The following ANKHD1 variants were observed in gnomAD, a reference collection of about 807,000 sequenced individuals.
ANKHD1 encodes the protein ankyrin repeat and KH domain containing 1.
Under a neutral mutation model 230.5 loss-of-function variants are expected in ANKHD1, and 31 were observed. That is an observed-to-expected ratio of 0.13 (90% CI 0.10 to 0.18). The LOEUF is 0.18. Ranked by LOEUF, ANKHD1 falls within the 10% of genes least tolerant of loss-of-function variation. ANKHD1 has a pLI of 1.00. For missense variants in ANKHD1, 2,256 were observed against 3,071.3 expected, an observed-to-expected ratio of 0.73 and a Z score of 6.27; for synonymous variants, 1,074 against 1,117.6, an observed-to-expected ratio of 0.96 and a Z score of 0.78.
At chr5:140,516,172 G>A (rs541463586) in intron 24 of ANKHD1, among the ~76,000 whole-genome samples, 2 of 152,282 alleles carry the variant, frequency 1.3e-5, no homozygotes, top group African/African-American at 2.4e-5. Context: ...GAGCCCATGC[G>A]ATCAACTGGA....
intron 15 of ANKHD1, among the ~76,000 whole-genome samples, chr5:140,499,463 G>A (rs1752179580): frequency 6.6e-6 from 1 of 152,008 alleles, no homozygotes; most frequent in Non-Finnish European, 1.5e-5. Context: ...TACTTTAGAA[G>A]TAAATTTTAC....
At chr5:140,455,323 C>T (rs1206008737) in intron 7 of ANKHD1, among the ~76,000 whole-genome samples, 2 of 152,116 alleles carry the variant, frequency 1.3e-5, no homozygotes, top group African/African-American at 4.8e-5. Flanking sequence ...GAAACTATTC[C>T]AATCAATAGA....
intron 6 of ANKHD1, among the ~76,000 whole-genome samples, chr5:140,447,453 C>G (rs529974216): frequency 7.4e-4 from 113 of 152,224 alleles, no homozygotes; most frequent in Middle Eastern, 3.4e-3. Flanking sequence ...AGTGATCTTC[C>G]TACTTCAGAC....
rs763860080 is a variant in ANKHD1 at position 140,529,023 on chromosome 5, C to T, written c.6077C>T (p.Pro2026Leu). ...ATGGAGTCTTTCTCTGCTGTGCCAC[C>T]CACCAAAGAGAAAGTGTCCACACAG... Reference protein sequence around the residue: ...QKMESFSAVPPTKEKVSTQDQ... With the variant: ...QKMESFSAVPLTKEKVSTQDQ... The change falls in exon 29 of 34, where the codon CCC becomes CTC. Residue 2026 changes from proline to leucine, a missense_variant. Coordinates refer to ENST00000360839, the MANE Select transcript of ANKHD1 (RefSeq NM_017747.3). 55 of 1,613,958 alleles carry T rather than the reference C, an allele frequency of 3.4e-5. No homozygotes were observed. The highest frequency in any genetic ancestry group is 4.6e-5 in the Non-Finnish European group (54 of 1,180,050).
At chr5:140,481,216 A>T (rs1476217376) in intron 10 of ANKHD1, among the ~76,000 whole-genome samples, 2 of 152,110 alleles carry the variant, frequency 1.3e-5, no homozygotes, top group Non-Finnish European at 2.9e-5. Flanking sequence ...AACTGGACAA[A>T]CAACTTTCTA....
Position 140,528,818 on chromosome 5 carries a change from G to T in ANKHD1, c.5872G>T (p.Val1958Phe). Residue 1958 changes from valine to phenylalanine, a missense_variant, in exon 29 of 34, where the codon GTC (valine) becomes TTC (phenylalanine). Around this residue, in one of 13 missense-constraint regions of ANKHD1, gnomAD observed 778 missense variants for 966.5 expected, o/e 0.80. Coordinates refer to ENST00000360839, the MANE Select transcript of ANKHD1 (RefSeq NM_017747.3). ...CVTNTRTPSSVRKQLFACVPK... is the reference protein window; with the variant it reads ...CVTNTRTPSSFRKQLFACVPK... ...CACTAATACCCGGACTCCTTCATCA[G>T]TCAGAAAGCAGTTGTTTGCCTGTGT... 1 of 1,614,046 alleles carries T rather than the reference G, an allele frequency of 6.2e-7. No homozygotes were observed. The highest frequency in any genetic ancestry group is 8.5e-7 in the Non-Finnish European group (1 of 1,180,034).
intron 14 of ANKHD1, among the ~76,000 whole-genome samples, chr5:140,492,599 A>G (rs1307432898): frequency 1.3e-5 from 2 of 152,192 alleles, no homozygotes; most frequent in Non-Finnish European, 2.9e-5. Flanking sequence ...ATTTTTAGTT[A>G]TACTTTTTCA....
intron 23 of ANKHD1, 77 bp from the exon 24 acceptor site, chr5:140,513,286 C>A: frequency 7.1e-7 from 1 of 1,407,740 alleles, no homozygotes; most frequent in Non-Finnish European, 9.6e-7. Context: ...AACCTCTGGA[C>A]TTTAATGTGC....
chr5:140,463,358 G>A lies in ANKHD1; in HGVS notation c.1673-1309G>A, dbSNP rs189685455. Reference sequence around the variant, plus strand: ...TGATAGTTTCCTTGCTTTCTCATATGGCAAAGTGTTCCAGGCTCATCTTGT... The same window carrying A: ...TGATAGTTTCCTTGCTTTCTCATATAGCAAAGTGTTCCAGGCTCATCTTGT... On this transcript the variant is annotated intron_variant, in intron 9 of 33. Coordinates refer to ENST00000360839, the MANE Select transcript of ANKHD1 (RefSeq NM_017747.3). Among the ~76,000 whole-genome samples, 429 of 152,180 alleles carry A rather than the reference G, an allele frequency of 2.8e-3. 1 individual carries two copies. Among genetic ancestry groups the A allele is most frequent in the South Asian group, 0.022 (104 of 4,822 alleles).
chr5:140,509,002 G>A (rs1045390218), intron 20 of ANKHD1, among the ~76,000 whole-genome samples: 13 of 151,994 alleles, frequency 8.6e-5, no homozygotes, highest in African/African-American at 7.3e-5. Flanking sequence ...TGGAAATCTC[G>A]TACTTCTTCC....
intron 30 of ANKHD1, 89 bp from the exon 31 acceptor site, chr5:140,537,299 TA>T: frequency 6.7e-7 from 1 of 1,497,476 alleles, no homozygotes; most frequent in South Asian, 1.4e-5. Context: ...TATAGTTTTT[TA>T]TATGTAATAA....
chr5:140,495,389 G>A (rs1377164987), intron 14 of ANKHD1, among the ~76,000 whole-genome samples: 1 of 151,946 alleles, frequency 6.6e-6, no homozygotes, highest in Non-Finnish European at 1.5e-5. Flanking sequence ...GGGACTACAG[G>A]CACCCGCCAC....
rs2127017808 is a variant in ANKHD1 at position 140,485,180 on chromosome 5, G to T, written c.1930G>T (p.Ala644Ser). 6.2e-7 allele frequency: 1 copy of T among 1,613,952 alleles called. No homozygotes were observed. The highest frequency in any genetic ancestry group is 8.5e-7 in the Non-Finnish European group (1 of 1,179,918). Residue 644 changes from alanine to serine, a missense_variant, in exon 12 of 34, where the codon GCA (alanine) becomes TCA (serine). Transcript: ENST00000360839. This position sits in a 1 kb window ranked among gnomAD's most constrained non-coding sequence, Gnocchi z 4.8. The stretch of plus-strand genomic sequence containing the variant: ...TCATACAGTAGTGTCGCTGGCATGT[G>T]CAGGAGGCCACCTGGCAGTTGTTGA... ...NDHTVVSLACAGGHLAVVELL... is the reference protein window; with the variant it reads ...NDHTVVSLACSGGHLAVVELL...
At position 140,510,039 on chromosome 5, in the gene ANKHD1, G is replaced by A. The variant is rs779690683; in HGVS notation, c.3962G>A (p.Arg1321His). The A allele has an allele frequency of 1.1e-5, 18 of 1,613,426 alleles. No individual in the cohort carries two copies. The highest frequency in any genetic ancestry group is 5.3e-5 in the African/African-American group (4 of 74,898). The change falls in exon 22 of 34, where the codon CGT (arginine) becomes CAT (histidine). Residue 1321 changes from arginine (R) to histidine (H), a missense_variant. This residue lies in a region of ANKHD1 where 195 missense variants were observed against 340.3 expected (regional missense o/e 0.57). Coordinates refer to ENST00000360839, the MANE Select transcript of ANKHD1 (RefSeq NM_017747.3). ...TACAGGGGAGCCCACATTGATGTTC[G>A]TAACAAAAAGGGAAATACGCCACTT... is the stretch of plus-strand genomic sequence containing the variant. ...LIHRGAHIDV[R>H]NKKGNTPLWL...
intron 23 of ANKHD1, 65 bp downstream of exon 23, chr5:140,512,988 GT>G: frequency 1.4e-6 from 2 of 1,428,772 alleles, no homozygotes; most frequent in East Asian, 2.5e-5. Context: ...AAAGTGTGCA[GT>G]TAGGAACTTG....
Position 140,423,553 on chromosome 5 carries a change from G to A in ANKHD1, c.307-12551G>A, listed in dbSNP as rs371462262. On this transcript the variant is annotated intron_variant, in intron 1 of 33. Transcript: ENST00000360839. ...GCTCCTTATTATGTTCTGTAAACTC[G>A]CCAAGCCTGTGATGCTTCAGGGCCT... 2.0e-4 allele frequency among the ~76,000 whole-genome samples: 31 copies of A among 152,124 alleles called. No homozygotes were observed. The East Asian group carries it at 2.1e-3, about 10-fold the overall frequency.
chr5:140,523,918 G>A, intron 24 of ANKHD1, 148 bp from the exon 25 acceptor site: 1 of 1,078,188 alleles, frequency 9.3e-7, no homozygotes, highest in South Asian at 2.0e-5. Flanking sequence ...TTTTGATGGT[G>A]TCCAGTTTAT....
chr5:140,490,002 T>C (rs1475653265), intron 14 of ANKHD1, among the ~76,000 whole-genome samples: 1 of 152,228 alleles, frequency 6.6e-6, no homozygotes, highest in East Asian at 1.9e-4. Context: ...ATTACCAGGA[T>C]AGGAAAACCT....
chr5:140,412,523 A>G lies in ANKHD1; in HGVS notation c.306+10250A>G, dbSNP rs574109626. On this transcript the variant is annotated intron_variant, in intron 1 of 33. Transcript: ENST00000360839. ...GATCAGCATAAGAGAGTGTACCACT[A>G]GAGTATAGGGGGAGCACTATTCTAA... Among the ~76,000 whole-genome samples, 124 of 152,314 alleles carry G rather than the reference A, an allele frequency of 8.1e-4. 4 individuals carry two copies. Among genetic ancestry groups the G allele is most frequent in the Admixed American group, 8.0e-3 (122 of 15,294 alleles).
Sources: allele counts gnomAD v4.1 joint callset (sites outside exome capture counted in the v4.1 genomes callset), GRCh38; gene constraint gnomAD v4.1.1; regional missense constraint gnomAD v4.1.1; non-coding constraint Gnocchi (gnomAD v3.1); transcripts MANE v1.5; gene names NCBI Gene and HGNC (gene_info 2026-07-23, HGNC 2026-07-21).